Variants in SLC26A7 observed in about 807,000 individuals in gnomAD.
SLC26A7 encodes solute carrier family 26 member 7, also known as anion exchange transporter.
Under a neutral mutation model 82.5 loss-of-function variants are expected in SLC26A7, and 59 were observed. That is an observed-to-expected ratio of 0.72 (90% CI 0.58 to 0.89). The LOEUF (loss-of-function observed/expected upper bound fraction) is 0.89. Ranked by LOEUF, SLC26A7 falls within the 40% of genes least tolerant of loss-of-function variation. The pLI is 0.00. For missense variants in SLC26A7, 820 were observed against 793.0 expected, an observed-to-expected ratio of 1.03 and a Z score of -0.41; for synonymous variants, 271 against 274.3, an observed-to-expected ratio of 0.99 and a Z score of 0.12.
chr8:91,245,763 T>G (rs1434857702), upstream of SLC26A7, among the ~76,000 whole-genome samples: 1 of 152,170 alleles, frequency 6.6e-6, no homozygotes, highest in African/African-American at 2.4e-5. Context: ...AACCATTAAA[T>G]GTGATTCAGT....
At chr8:91,224,138 ATTG>A (rs529963524) in intron 2 of SLC26A7, among the ~76,000 whole-genome samples, 20 of 151,850 alleles carry the variant, frequency 1.3e-4, no homozygotes, top group African/African-American at 4.6e-4. Context: ...TGTTTAGCTC[ATTG>A]TTGTTTTTTT....
chr8:91,295,056 G>A (rs529400831), intron 3 of SLC26A7, among the ~76,000 whole-genome samples: 60 of 152,230 alleles, frequency 3.9e-4, no homozygotes, highest in African/African-American at 1.4e-3. Flanking sequence ...GGAAAAAGCT[G>A]AATTTACTGA....
chr8:91,346,367 TAAGCC>T (rs1813564410), intron 9 of SLC26A7, among the ~76,000 whole-genome samples: 1 of 152,176 alleles, frequency 6.6e-6, no homozygotes, highest in South Asian at 2.1e-4. Context: ...AAGCACTATG[TAAGCC>T]AAGCCTTAAA....
At chr8:91,393,488 A>T (rs948627158) in intron 16 of SLC26A7, among the ~76,000 whole-genome samples, 33 of 152,252 alleles carry the variant, frequency 2.2e-4, no homozygotes, top group African/African-American at 7.7e-4. Context: ...CTTCTATTAA[A>T]AGAGGTTGAA....
At chr8:91,313,590 C>G (rs916905006) in intron 4 of SLC26A7, among the ~76,000 whole-genome samples, 1 of 152,104 alleles carries the variant, frequency 6.6e-6, no homozygotes, top group Non-Finnish European at 1.5e-5. Context: ...CAGGCCCCAC[C>G]CAAACAGCTT....
At chr8:91,384,232 C>T (rs1053431791) in intron 15 of SLC26A7, among the ~76,000 whole-genome samples, 1 of 152,162 alleles carries the variant, frequency 6.6e-6, no homozygotes, top group African/African-American at 2.4e-5. Context: ...TTCCAACTTT[C>T]AGAGGCCATC....
chr8:91,360,599 G>A (rs1814023473), intron 11 of SLC26A7, among the ~76,000 whole-genome samples: 1 of 152,164 alleles, frequency 6.6e-6, no homozygotes, highest in African/African-American at 2.4e-5. Flanking sequence ...GACGTTGTGG[G>A]AGAGTAAATA....
At chr8:91,369,875 T>C (rs1814305765) in intron 15 of SLC26A7, 42 bp downstream of exon 15, 10 of 1,466,674 alleles carry the variant, frequency 6.8e-6, no homozygotes, top group Non-Finnish European at 9.5e-6. Context: ...AGTGTTTACC[T>C]TGAAGATAGA....
intron 2 of SLC26A7, among the ~76,000 whole-genome samples, chr8:91,279,683 C>A (rs529000364): frequency 2.0e-5 from 3 of 152,184 alleles, no homozygotes; most frequent in Non-Finnish European, 4.4e-5. Flanking sequence ...CCTCAGCCTC[C>A]CTAGTAGCTG....
rs117348481 is a variant in SLC26A7, at chr8:91,274,265, G to A, written c.194-14871G>A. 5.9e-3 allele frequency among the ~76,000 whole-genome samples: 892 copies of A among 152,234 alleles called. 8 individuals carry two copies. Among genetic ancestry groups the A allele is most frequent in the Non-Finnish European group, 9.4e-3 (640 of 67,992 alleles). On this transcript the variant is annotated intron_variant, in intron 2 of 18. Transcript: ENST00000276609. ...CATTTATAAACATCAACTCCACAAA[G>A]ACAAAGATTTTTATTTGGATTTGTC...
At chr8:91,325,989 T>A (rs976524958) in intron 5 of SLC26A7, among the ~76,000 whole-genome samples, 11 of 152,208 alleles carry the variant, frequency 7.2e-5, no homozygotes, top group African/African-American at 2.7e-4. Context: ...AAGTGTCTTC[T>A]GAACATTTCC....
In SLC26A7 at chr8:91,388,461, T is replaced by C. The variant is rs114407333; in HGVS notation, c.1676-877T>C. Among the ~76,000 whole-genome samples, 806 of 152,298 alleles carry C rather than the reference T, an allele frequency of 5.3e-3. 12 individuals are homozygous for C. Among genetic ancestry groups the C allele is most frequent in the African/African-American group, 0.018 (730 of 41,550 alleles). On this transcript the variant is annotated intron_variant, in intron 15 of 18. Transcript: ENST00000276609. ...CAGTCCCACTTTTATGTAGCCACTA[T>C]ACAGAAAAACCTTGAACATTTTAAA... is the stretch of plus-strand genomic sequence containing the variant.
rs530175788 is a variant in SLC26A7 at position 91,377,498 on chromosome 8, G to A, written c.1675+7665G>A. On this transcript the variant is annotated intron_variant, in intron 15 of 18. Coordinates refer to ENST00000276609, the MANE Select transcript of SLC26A7 (RefSeq NM_052832.4). Reference sequence around the variant, plus strand: ...TGTTTGCGGGCAGTCTGGTGGCGCAGTGACTCAAGGACAGAGAATCTTCTG... The same window carrying A: ...TGTTTGCGGGCAGTCTGGTGGCGCAATGACTCAAGGACAGAGAATCTTCTG... Among the ~76,000 whole-genome samples the A allele has an allele frequency of 5.9e-5, 9 of 152,312 alleles. No individual in the cohort carries two copies. In the South Asian group the frequency reaches 1.7e-3, roughly 28 times the overall value.
chr8:91,280,483 C>G (rs1056504163), intron 2 of SLC26A7, among the ~76,000 whole-genome samples: 5 of 152,230 alleles, frequency 3.3e-5, no homozygotes, highest in African/African-American at 1.2e-4. Context: ...TCTGCCTCTT[C>G]TGCTTCCACC....
At chr8:91,235,680 A>G (rs1255227427) in intron 2 of SLC26A7, among the ~76,000 whole-genome samples, 1 of 152,188 alleles carries the variant, frequency 6.6e-6, no homozygotes, top group Non-Finnish European at 1.5e-5. Context: ...TTTCAAACTG[A>G]TGTTTAAAAT....
At chr8:91,332,527 C>A (rs112636952) in intron 5 of SLC26A7, among the ~76,000 whole-genome samples, 1 of 146,318 alleles carries the variant, frequency 6.8e-6, no homozygotes, top group African/African-American at 2.6e-5. Context: ...CACACACACA[C>A]ACACACATAT....
intron 4 of SLC26A7, among the ~76,000 whole-genome samples, chr8:91,299,719 A>C (rs1812111018): frequency 6.6e-6 from 1 of 152,180 alleles, no homozygotes; most frequent in Admixed American, 6.5e-5. Flanking sequence ...GGGTAGGACT[A>C]GTCAAGCTTT....
At chr8:91,358,451 T>C (rs1376355252) in intron 11 of SLC26A7, among the ~76,000 whole-genome samples, 1 of 151,346 alleles carries the variant, frequency 6.6e-6, no homozygotes, top group African/African-American at 2.4e-5. Flanking sequence ...TGCCTCAGGC[T>C]CCCAAGTAGC....
At chr8:91,248,686 C>A (rs766191480), upstream of SLC26A7, among the ~76,000 whole-genome samples, 21 of 152,008 alleles carry the variant, frequency 1.4e-4, 1 homozygote. Context: ...AAAAAGAAGG[C>A]AGCACCATAA....
Sources: allele counts gnomAD v4.1 joint callset (sites outside exome capture counted in the v4.1 genomes callset), GRCh38; gene constraint gnomAD v4.1.1; transcripts MANE v1.5; gene names NCBI Gene and HGNC (gene_info 2026-07-23, HGNC 2026-07-21).